The following TXNDC11 variants were observed in gnomAD, a reference collection of about 807,000 sequenced individuals.
The protein encoded by TXNDC11 is thioredoxin domain containing 11, also known as thioredoxin domain-containing protein 11.
TXNDC11 carries 68 observed loss-of-function variants against 78.0 expected under a neutral mutation model. That is an observed-to-expected ratio of 0.87 (90% CI 0.72 to 1.07). The LOEUF is 1.07. Ranked by LOEUF, TXNDC11 falls within the 50% of genes least tolerant of loss-of-function variation. The pLI, the probability that TXNDC11 is intolerant of heterozygous loss-of-function variation, is 0.00. For missense variants in TXNDC11, 1,389 were observed against 1,221.8 expected (o/e 1.14, Z -2.04); for synonymous variants, 571 against 495.2 (o/e 1.15, Z -2.03).
intron 5 of TXNDC11, 100 bp from the exon 6 acceptor site, chr16:11,700,664 A>G: frequency 1.7e-6 from 1 of 606,046 alleles, no homozygotes; most frequent in African/African-American, 1.9e-5. Context: ...CCTGCAGCTA[A>G]GCTCCTTCTG....
chr16:11,715,901 G>C (rs1158541929), intron 5 of TXNDC11, among the ~76,000 whole-genome samples: 1 of 152,186 alleles, frequency 6.6e-6, no homozygotes, highest in East Asian at 1.9e-4. Flanking sequence ...TATCTGAGGT[G>C]CTTTCAACCA....
rs1597409173 is a variant in TXNDC11 at position 11,688,444 on chromosome 16, C to T, written c.1902G>A (p.Glu634=). The change falls in exon 9 of 12, where the codon GAG becomes GAA. Residue 634 remains glutamate, a splice_region_variant and synonymous_variant. Coordinates refer to ENST00000283033, the MANE Select transcript of TXNDC11 (RefSeq NM_015914.7). ...GAACGCTGAAGTTTTGAATAAAAGA[C>T]TCTAAAAATAAAGAGAAAATGAGAT... ...PKQALMKLTL[E]SFIQNFSVLY... 6.2e-7 allele frequency: 1 copy of T among 1,600,198 alleles called. No individual in the cohort carries two copies. The highest frequency in any genetic ancestry group is 1.3e-5 in the African/African-American group (1 of 74,298).
intron 5 of TXNDC11, among the ~76,000 whole-genome samples, chr16:11,708,718 T>C (rs2051253488): frequency 6.6e-6 from 1 of 152,258 alleles, no homozygotes; most frequent in African/African-American, 2.4e-5. Context: ...TAAGAAGTCA[T>C]TTACTCCATG....
intron 5 of TXNDC11, among the ~76,000 whole-genome samples, chr16:11,701,638 G>A (rs892491528): frequency 1.3e-5 from 2 of 152,208 alleles, no homozygotes; most frequent in African/African-American, 4.8e-5. Flanking sequence ...AAGGAAATAT[G>A]TATACATGGC....
intron 6 of TXNDC11, 123 bp from the exon 7 acceptor site, chr16:11,698,448 T>C (rs977209177): frequency 2.6e-6 from 2 of 779,830 alleles, no homozygotes; most frequent in Non-Finnish European, 2.1e-6. Context: ...GAGCGGGGCC[T>C]GGCCCCACTG....
chr16:11,728,375 C>A (rs528398119), intron 4 of TXNDC11, among the ~76,000 whole-genome samples: 2 of 152,164 alleles, frequency 1.3e-5, no homozygotes, highest in African/African-American at 4.8e-5. Context: ...ATCTCAGTGA[C>A]AAGCCCAGCA....
rs778444858 is a variant in TXNDC11 at position 11,691,797 on chromosome 16, A to C, written c.1393T>G (p.Phe465Val). 90 of 1,614,142 alleles carry C rather than the reference A, an allele frequency of 5.6e-5. No individual in the cohort carries two copies. The highest frequency in any genetic ancestry group is 7.4e-5 in the Non-Finnish European group (87 of 1,180,060). ...TCCAGAGCTGCTGCCATTTCAAAAA[A>C]GCTGCACTGTGGCACGCTGACCGAG... ...PSSVSVPQCS[F>V]FEMAAALDSF... Residue 465 changes from phenylalanine (F) to valine (V), a missense_variant, in exon 8 of 12, where the codon TTT becomes GTT. Coordinates refer to ENST00000283033, the MANE Select transcript of TXNDC11 (RefSeq NM_015914.7).
In TXNDC11 at chr16:11,733,985, C is replaced by T. The variant is rs774632521; in HGVS notation, c.566G>A (p.Arg189Gln). 19 of 1,602,944 alleles carry T rather than the reference C, an allele frequency of 1.2e-5. No individual in the cohort carries two copies. The highest frequency in any genetic ancestry group is 9.0e-5 in the East Asian group (4 of 44,686). The stretch of plus-strand genomic sequence containing the variant: ...ACGCTATTTAAAAAGTTCTTACCTC[C>T]GATGATACAGATATATTACAGGAAA... ...FYFPVIYLYH[R>Q]SFGPIEYKGP... The change falls in exon 3 of 12, where the codon CGG becomes CAG. Residue 189 changes from arginine (R) to glutamine (Q), a missense_variant. Transcript: ENST00000283033.
intron 11 of TXNDC11, among the ~76,000 whole-genome samples, chr16:11,680,758 G>A (rs1014282001): frequency 3.9e-5 from 6 of 152,304 alleles, no homozygotes; most frequent in Admixed American, 2.6e-4. Flanking sequence ...GCTGCCCAGG[G>A]CCACTGGACC....
chr16:11,733,373 A>C (rs2052112297), intron 3 of TXNDC11, among the ~76,000 whole-genome samples: 1 of 152,042 alleles, frequency 6.6e-6, no homozygotes. Flanking sequence ...AAAATACAAA[A>C]AAAATTAGCT....
In TXNDC11 at chr16:11,679,314, CCT is replaced by C. The variant is rs1567282879; in HGVS notation, c.2756_2757del (p.Glu919GlyfsTer7). 1.2e-6 allele frequency: 2 copies of C among 1,612,556 alleles called. No individual in the cohort carries two copies. Among genetic ancestry groups the C allele is most frequent in the Non-Finnish European group, 1.7e-6 (2 of 1,179,710 alleles). ...DGAESLAAQR[E>X]VHPKQPEPSA... Reference sequence around the variant, plus strand: ...GAGGGCTCAGGCTGCTTGGGGTGGACCTCTCTCTGGGCCGCCAGGCTTTCAGC... The same window carrying C: ...GAGGGCTCAGGCTGCTTGGGGTGGACCTCTCTGGGCCGCCAGGCTTTCAGC... On this transcript the variant is annotated frameshift_variant, in exon 12 of 12. Transcript: ENST00000283033. LOFTEE classifies it low-confidence loss of function (END_TRUNC). The surrounding 1 kb of genome is among the most constrained non-coding windows in gnomAD (Gnocchi z 4.6).
In TXNDC11 at chr16:11,733,909, GA is replaced by G. The variant is rs1364615993; in HGVS notation, c.569+72del. ...AGTGAATATCTAATACTTTAATATA[GA>G]AAAAATGCAAAATTCATTTATAAAC... On this transcript the variant is annotated intron_variant, in intron 3 of 11. Coordinates refer to ENST00000283033, the MANE Select transcript of TXNDC11 (RefSeq NM_015914.7). The G allele has an allele frequency of 2.6e-5, 29 of 1,128,424 alleles. No individual in the cohort carries two copies. The South Asian group carries it at 3.1e-4, about 12-fold the overall frequency. 69.9% of individuals were successfully genotyped at this position (1,128,424 alleles called of 1,614,324 possible). A position where few individuals can be genotyped will look rare whatever the true frequency, so the allele number is the denominator to read the frequency against.
At chr16:11,700,665 G>C (rs1376834879) in intron 5 of TXNDC11, 101 bp from the exon 6 acceptor site, 2 of 599,542 alleles carry the variant, frequency 3.3e-6, no homozygotes, top group East Asian at 2.9e-5. Context: ...CTGCAGCTAA[G>C]CTCCTTCTGG....
In TXNDC11 at chr16:11,736,187, A is replaced by C. The variant is rs1474991594; in HGVS notation, c.301T>G (p.Phe101Val). 2 of 1,613,962 alleles carry C rather than the reference A, an allele frequency of 1.2e-6. No homozygotes were observed. Among genetic ancestry groups the C allele is most frequent in the Non-Finnish European group, 1.7e-6 (2 of 1,179,962 alleles). Reference sequence around the variant, plus strand: ...TCAAGGACTGGAGACCTCAAGGAGAAAAAGCTGACAGGTGGCTTTGCTGGT... The same window carrying C: ...TCAAGGACTGGAGACCTCAAGGAGACAAAGCTGACAGGTGGCTTTGCTGGT... Reference protein sequence around the residue: ...IIPAKPPVSFFSLRSPVLDLF... With the variant: ...IIPAKPPVSFVSLRSPVLDLF... The change falls in exon 2 of 12, where the codon TTC becomes GTC. Residue 101 changes from phenylalanine to valine, a missense_variant. Phe to Val is a conservative substitution (Grantham distance 50). Transcript: ENST00000283033.
At chr16:11,721,405 C>G (rs1383215193) in intron 5 of TXNDC11, 172 bp downstream of exon 5, 5 of 398,202 alleles carry the variant, frequency 1.3e-5, no homozygotes, top group Non-Finnish European at 2.4e-5. Flanking sequence ...CGCCACTGCA[C>G]TCCAGCCTGG....
chr16:11,728,944 C>G (rs182581642), intron 4 of TXNDC11, among the ~76,000 whole-genome samples: 17 of 150,714 alleles, frequency 1.1e-4, no homozygotes, highest in African/African-American at 3.9e-4. Context: ...GAGATTGCAG[C>G]GAGCCAAGAT....
chr16:11,684,101 T>G, intron 11 of TXNDC11, 64 bp downstream of exon 11: 1 of 1,160,196 alleles, frequency 8.6e-7, no homozygotes, highest in Non-Finnish European at 1.3e-6. Context: ...CTTAAACCCA[T>G]TTCATTTTCA....
intron 4 of TXNDC11, among the ~76,000 whole-genome samples, chr16:11,726,690 T>A (rs2051889285): frequency 6.6e-6 from 1 of 151,548 alleles, no homozygotes; most frequent in Non-Finnish European, 1.5e-5. Context: ...AAAACCAAGA[T>A]ACAATTAGTA....
rs1372576640 is a variant in TXNDC11 at position 11,734,076 on chromosome 16, A to C, written c.475T>G (p.Leu159Val). The part of the protein sequence containing the change: ...QAASRLSDQV[L>V]FVAINCWWNQ... ...CACCAACAGTTAATTGCCACAAACA[A>C]CACCTGCAGAGCCAAAAAAGGTTTT... Residue 159 changes from leucine to valine, a missense_variant, in exon 3 of 12, where the codon TTG becomes GTG. Transcript: ENST00000283033. 21 of 1,593,602 alleles carry C rather than the reference A, an allele frequency of 1.3e-5. No homozygotes were observed. The highest frequency in any genetic ancestry group is 1.7e-5 in the Non-Finnish European group (20 of 1,174,382).
Sources: allele counts gnomAD v4.1 joint callset (sites outside exome capture counted in the v4.1 genomes callset), GRCh38; gene constraint gnomAD v4.1.1; non-coding constraint Gnocchi (gnomAD v3.1); transcripts MANE v1.5; gene names NCBI Gene and HGNC (gene_info 2026-07-23, HGNC 2026-07-21).